MRAP2: variants seen among roughly 807,000 people sequenced by gnomAD.
The protein encoded by MRAP2 is melanocortin 2 receptor accessory protein 2.
A neutral mutation model predicts 17.4 loss-of-function variants in MRAP2; 20 were observed. That is an observed-to-expected ratio of 1.15 (90% CI 0.81 to 1.67). The LOEUF (loss-of-function observed/expected upper bound fraction) is 1.67. Ranked by LOEUF, MRAP2 falls within the 40% of genes most tolerant of loss-of-function variation. The pLI, the probability that MRAP2 is intolerant of heterozygous loss-of-function variation, is 0.00. For missense variants in MRAP2, 238 were observed against 240.0 expected, an observed-to-expected ratio of 0.99 and a Z score of 0.05; for synonymous variants, 96 against 88.4, an observed-to-expected ratio of 1.09 and a Z score of -0.48.
intron 1 of MRAP2, among the ~76,000 whole-genome samples, chr6:84,041,929 G>A (rs1175747951): frequency 6.6e-6 from 1 of 152,224 alleles, no homozygotes; most frequent in Non-Finnish European, 1.5e-5. Context: ...AGGCATGATT[G>A]TGTTTTGAAA....
At chr6:84,076,111 C>T (rs1252798955) in intron 3 of MRAP2, among the ~76,000 whole-genome samples, 2 of 151,724 alleles carry the variant, frequency 1.3e-5, no homozygotes, top group Non-Finnish European at 2.9e-5. Flanking sequence ...ACCCAGGTGG[C>T]AGTGCAGTGG....
intron 1 of MRAP2, among the ~76,000 whole-genome samples, chr6:84,053,072 G>A (rs1417412447): frequency 6.6e-6 from 1 of 152,152 alleles, no homozygotes; most frequent in Non-Finnish European, 1.5e-5. Flanking sequence ...TGGTCTTGTG[G>A]AACCTGGTAG....
the MRAP2 span, among the ~76,000 whole-genome samples, chr6:84,098,932 G>T: frequency 5.9e-5 from 9 of 152,106 alleles, no homozygotes; most frequent in Middle Eastern, 3.4e-3. Context: ...GTCTTCAAAG[G>T]ACAGAAATTC....
chr6:84,135,720 G>A, the MRAP2 span, among the ~76,000 whole-genome samples: 6,465 of 152,084 alleles, frequency 0.043, 200 homozygotes, highest in Admixed American at 0.086. Context: ...AAAATTAGCC[G>A]GGTGTGATGG....
intron 1 of MRAP2, among the ~76,000 whole-genome samples, chr6:84,041,774 T>C (rs1024795647): frequency 6.6e-6 from 1 of 152,274 alleles, no homozygotes; most frequent in Non-Finnish European, 1.5e-5. Context: ...CCAATGCCTG[T>C]ACCCCCATTG....
chr6:84,093,616 G>T (rs369051375), downstream of MRAP2, among the ~76,000 whole-genome samples: 1 of 152,208 alleles, frequency 6.6e-6, no homozygotes, highest in African/African-American at 2.4e-5. Context: ...TAGTATGTGA[G>T]TCAGTTTTAC....
the MRAP2 span, among the ~76,000 whole-genome samples, chr6:84,112,255 C>G: frequency 2.0e-5 from 3 of 152,066 alleles, no homozygotes; most frequent in African/African-American, 7.2e-5. Flanking sequence ...GGTTGGTAGG[C>G]TATTAATTAC....
At chr6:84,114,749 T>C in the MRAP2 span, among the ~76,000 whole-genome samples, 1 of 152,208 alleles carries the variant, frequency 6.6e-6, no homozygotes, top group Non-Finnish European at 1.5e-5. Flanking sequence ...GACCTTCGGA[T>C]GGGGTCTCTG....
chr6:84,097,320 T>G, the MRAP2 span, among the ~76,000 whole-genome samples: 8 of 152,198 alleles, frequency 5.3e-5, no homozygotes, highest in Non-Finnish European at 7.3e-5. Context: ...CAGGGCACTG[T>G]GTTGTCAGCT....
At chr6:84,035,811 C>T (rs2099485826) in intron 1 of MRAP2, among the ~76,000 whole-genome samples, 1 of 152,138 alleles carries the variant, frequency 6.6e-6, no homozygotes, top group East Asian at 1.9e-4. Context: ...TTTCTGTTGG[C>T]CCCCAGATGC....
At chr6:84,061,292 C>G (rs571703936) in intron 2 of MRAP2, among the ~76,000 whole-genome samples, 1 of 152,152 alleles carries the variant, frequency 6.6e-6, no homozygotes. Context: ...TAGAAAATTG[C>G]TAAGCATCCT....
intron 1 of MRAP2, among the ~76,000 whole-genome samples, chr6:84,047,697 T>C (rs1370290539): frequency 1.3e-5 from 2 of 152,320 alleles, no homozygotes; most frequent in African/African-American, 4.8e-5. Flanking sequence ...CAATTTCCCA[T>C]TTCCCTACCC....
the MRAP2 span, among the ~76,000 whole-genome samples, chr6:84,109,469 G>A: frequency 1.2e-4 from 18 of 151,812 alleles, no homozygotes; most frequent in South Asian, 2.3e-3. Flanking sequence ...TAGCTCTCTC[G>A]GTTTGCCTGT....
chr6:84,058,245 C>T (rs1244520445), intron 2 of MRAP2, among the ~76,000 whole-genome samples: 2 of 152,152 alleles, frequency 1.3e-5, no homozygotes, highest in African/African-American at 2.4e-5. Flanking sequence ...TTGCCATAGT[C>T]CAGGCAGCTG....
At position 84,045,258 on chromosome 6, in the gene MRAP2, CA is replaced by C. The variant is rs963658646; in HGVS notation, c.-7-10052del. 5.1e-6 allele frequency: 5 copies of C among 985,074 alleles called. No individual in the cohort carries two copies. In the African/African-American group the frequency reaches 8.8e-5, roughly 17 times the overall value. 61.0% of individuals were successfully genotyped at this position (985,074 alleles called of 1,614,324 possible). A position where few individuals can be genotyped will look rare whatever the true frequency, so the allele number is the denominator to read the frequency against. On this transcript the variant is annotated intron_variant, in intron 1 of 3. Transcript: ENST00000257776. ...CTGGACATGCTGGACATCGGGCAGC[CA>C]AGATGAACTTGAATAAGGTGTTGGT...
the MRAP2 span, among the ~76,000 whole-genome samples, chr6:84,112,387 G>T: frequency 6.6e-6 from 1 of 152,168 alleles, no homozygotes; most frequent in Admixed American, 6.5e-5. Context: ...TAGTTAATTT[G>T]CACAGGGGTG....
At chr6:84,112,579 A>C in the MRAP2 span, among the ~76,000 whole-genome samples, 1 of 152,062 alleles carries the variant, frequency 6.6e-6, no homozygotes, top group Non-Finnish European at 1.5e-5. Context: ...GATTTTTATG[A>C]GGGATTTTTT....
At chr6:84,046,791 A>AG (rs1663150642) in intron 1 of MRAP2, among the ~76,000 whole-genome samples, 1 of 150,960 alleles carries the variant, frequency 6.6e-6, no homozygotes, top group East Asian at 1.9e-4. Context: ...AAAAAAAAAA[A>AG]AAAAAAAAAA....
At chr6:84,130,967 T>C in the MRAP2 span, among the ~76,000 whole-genome samples, 2 of 152,348 alleles carry the variant, frequency 1.3e-5, no homozygotes, top group African/African-American at 4.8e-5. Flanking sequence ...ATTTTAGATC[T>C]TTCCTGCTTT....
Sources: allele counts gnomAD v4.1 joint callset (sites outside exome capture counted in the v4.1 genomes callset), GRCh38; gene constraint gnomAD v4.1.1; transcripts MANE v1.5; gene names NCBI Gene and HGNC (gene_info 2026-07-23, HGNC 2026-07-21).